The following INSYN2B variants were observed in gnomAD, a reference collection of about 807,000 sequenced individuals.
INSYN2B encodes the protein inhibitory synaptic factor family member 2B.
In INSYN2B, 16 loss-of-function variants were observed where a neutral mutation model predicts 41.2. The ratio of observed to expected loss-of-function variants is 0.39; its 90% CI spans 0.26 to 0.59. The LOEUF (loss-of-function observed/expected upper bound fraction) is 0.59, where lower values mean the gene tolerates loss of function less well. Among genes scored for constraint, INSYN2B ranks in the 20% least tolerant of loss-of-function variants. INSYN2B has a pLI of 0.57. For missense variants in INSYN2B, 608 were observed against 646.4 expected (o/e 0.94, Z 0.64); for synonymous variants, 245 against 244.4 (o/e 1.00, Z -0.02).
At chr5:169,936,537 G>T (rs572809264) in intron 1 of INSYN2B, among the ~76,000 whole-genome samples, 3 of 150,284 alleles carry the variant, frequency 2.0e-5, no homozygotes, top group African/African-American at 7.3e-5. Context: ...TGTGTATTTC[G>T]ATGGGCATGT....
At chr5:169,887,377 A>G in intron 1 of INSYN2B, among the ~76,000 whole-genome samples, 1 of 152,232 alleles carries the variant, frequency 6.6e-6, no homozygotes, top group Admixed American at 6.5e-5. Context: ...GGAAGAAAAA[A>G]ATCACCTGAA....
intron 1 of INSYN2B, among the ~76,000 whole-genome samples, chr5:169,942,354 G>T (rs1776275714): frequency 6.6e-6 from 1 of 152,164 alleles, no homozygotes; most frequent in Non-Finnish European, 1.5e-5. Flanking sequence ...AGGGAGACTG[G>T]GTAGGAGGAG....
intron 1 of INSYN2B, among the ~76,000 whole-genome samples, chr5:169,937,696 C>A (rs1258716054): frequency 6.6e-6 from 1 of 152,196 alleles, no homozygotes; most frequent in Admixed American, 6.5e-5. Flanking sequence ...GTCTATTCTT[C>A]TAAATTCTCA....
chr5:169,961,198 C>A (rs921420121), intron 1 of INSYN2B, among the ~76,000 whole-genome samples: 2 of 152,158 alleles, frequency 1.3e-5, no homozygotes, highest in African/African-American at 4.8e-5. Flanking sequence ...AAATGGGTAG[C>A]CCCCCAAGGG....
chr5:169,889,994 A>T (rs1211662769), intron 1 of INSYN2B, among the ~76,000 whole-genome samples: 1 of 142,934 alleles, frequency 7.0e-6, no homozygotes, highest in Non-Finnish European at 1.5e-5. Context: ...TTTACAACTT[A>T]TAAAGCATTT....
chr5:169,861,891 T>G lies in INSYN2B; in HGVS notation c.*2382A>C. Among the ~76,000 whole-genome samples the G allele has an allele frequency of 6.6e-6, 1 of 152,320 alleles. No individual in the cohort carries two copies. The highest frequency in any genetic ancestry group is 6.5e-5 in the Admixed American group (1 of 15,298). ...CAGTACAGCCTTGTTTGGCTGTATT[T>G]CTAGAAATGTCAACATTTTATTTAT... On this transcript the variant is annotated 3_prime_UTR_variant, in exon 4 of 4. Transcript: ENST00000377365.
chr5:169,885,136 C>T (rs1772900659), intron 1 of INSYN2B, among the ~76,000 whole-genome samples: 1 of 152,196 alleles, frequency 6.6e-6, no homozygotes, highest in African/African-American at 2.4e-5. Flanking sequence ...CACCCAGTGC[C>T]AAGACCACAT....
At chr5:169,869,326 C>G (rs985173365) in intron 3 of INSYN2B, among the ~76,000 whole-genome samples, 112 of 152,290 alleles carry the variant, frequency 7.4e-4, no homozygotes, top group Non-Finnish European at 1.0e-4. Context: ...GTGACTGCCC[C>G]CACTGGTCTT....
At chr5:169,913,358 T>C (rs924168134) in intron 1 of INSYN2B, among the ~76,000 whole-genome samples, 8 of 152,186 alleles carry the variant, frequency 5.3e-5, no homozygotes. Flanking sequence ...GCTAGAACTA[T>C]ATAGAAGCTC....
intron 1 of INSYN2B, among the ~76,000 whole-genome samples, chr5:169,957,263 A>G (rs1162028981): frequency 1.3e-5 from 2 of 152,258 alleles, no homozygotes; most frequent in Non-Finnish European, 2.9e-5. Flanking sequence ...GCCTTTAGCC[A>G]GGGACTTAAC....
chr5:169,870,405 C>G (rs188928807), intron 3 of INSYN2B, among the ~76,000 whole-genome samples: 1 of 152,186 alleles, frequency 6.6e-6, no homozygotes, highest in East Asian at 1.9e-4. Context: ...AATAGATAAG[C>G]TCATGAGCAA....
At chr5:169,939,734 A>G (rs1776156525) in intron 1 of INSYN2B, among the ~76,000 whole-genome samples, 1 of 152,210 alleles carries the variant, frequency 6.6e-6, no homozygotes, top group African/African-American at 2.4e-5. Context: ...TTCATATAAA[A>G]TTAATATACT....
chr5:169,951,858 G>A (rs1416460160), intron 1 of INSYN2B, among the ~76,000 whole-genome samples: 2 of 152,068 alleles, frequency 1.3e-5, no homozygotes, highest in African/African-American at 2.4e-5. Flanking sequence ...TAGGAAACTT[G>A]CCCAAGATCA....
At chr5:169,899,760 C>T (rs1287970748) in intron 1 of INSYN2B, among the ~76,000 whole-genome samples, 1 of 152,202 alleles carries the variant, frequency 6.6e-6, no homozygotes, top group East Asian at 1.9e-4. Flanking sequence ...GACTGCATAA[C>T]ACATGAATTT....
chr5:169,947,845 C>CAGCATAAATACA (rs1776507263), intron 1 of INSYN2B, among the ~76,000 whole-genome samples: 6 of 151,804 alleles, frequency 4.0e-5, no homozygotes, highest in Admixed American at 2.0e-4. Context: ...GCATAAATAC[C>CAGCATAAATACA]TACAGCATAC....
intron 1 of INSYN2B, among the ~76,000 whole-genome samples, chr5:169,974,890 A>T (rs914371585): frequency 2.0e-5 from 3 of 151,528 alleles, no homozygotes; most frequent in Non-Finnish European, 2.9e-5. Flanking sequence ...CAGGATAATT[A>T]TGTTCTGTGC....
chr5:169,967,813 C>T, intron 1 of INSYN2B, among the ~76,000 whole-genome samples: 1 of 151,850 alleles, frequency 6.6e-6, no homozygotes, highest in Admixed American at 6.6e-5. Context: ...AAACTCAAGA[C>T]AAATTTCTTT....
At chr5:169,915,012 C>A (rs1180705858) in intron 1 of INSYN2B, among the ~76,000 whole-genome samples, 1 of 152,264 alleles carries the variant, frequency 6.6e-6, no homozygotes, top group East Asian at 1.9e-4. Context: ...CATTGCAAGG[C>A]AAACTCACAG....
At chr5:169,943,053 C>A (rs1285301153) in intron 1 of INSYN2B, among the ~76,000 whole-genome samples, 1 of 152,156 alleles carries the variant, frequency 6.6e-6, no homozygotes, top group African/African-American at 2.4e-5. Flanking sequence ...TTGGGCTGGG[C>A]TGGAGGAACC....
Sources: gnomAD v4.1 joint callset for allele counts (sites outside exome capture counted in the v4.1 genomes callset) on GRCh38, gnomAD v4.1.1 for gene constraint, MANE v1.5 for transcripts, NCBI Gene and HGNC (gene_info 2026-07-23, HGNC 2026-07-21) for gene names.